Variants in CAMKMT observed in about 807,000 individuals in gnomAD.
CAMKMT encodes calmodulin-lysine N-methyltransferase.
CAMKMT carries 53 observed loss-of-function variants against 48.0 expected under a neutral mutation model. The observed-to-expected ratio is 1.10, with a 90% CI of 0.89 to 1.39. The LOEUF (loss-of-function observed/expected upper bound fraction) is 1.39, where lower values mean the gene tolerates loss of function less well. Ranked by LOEUF, CAMKMT falls within the 40% of genes most tolerant of loss-of-function variation. CAMKMT has a pLI of 0.00. For missense variants in CAMKMT, 428 were observed against 402.7 expected, an observed-to-expected ratio of 1.06 and a Z score of -0.54; for synonymous variants, 165 against 152.3, an observed-to-expected ratio of 1.08 and a Z score of -0.61.
Position 44,735,946 on chromosome 2 carries a change from C to T in CAMKMT, c.624-7676C>T, listed in dbSNP as rs1410570043. On this transcript the variant is annotated intron_variant, in intron 7 of 10. Transcript: ENST00000378494. ...CAAAACAAAACAAAACAAAACCTTACAGTAGTATACTGCCATTGGTCCCCT... is the reference window on the plus strand; with the variant it reads ...CAAAACAAAACAAAACAAAACCTTATAGTAGTATACTGCCATTGGTCCCCT... Among the ~76,000 whole-genome samples the T allele has an allele frequency of 7.2e-5, 11 of 152,128 alleles. 1 individual carries two copies. The South Asian group carries it at 2.3e-3, about 32-fold the overall frequency.
chr2:44,679,780 T>C (rs1457335700), intron 3 of CAMKMT, among the ~76,000 whole-genome samples: 1 of 152,200 alleles, frequency 6.6e-6, no homozygotes, highest in Non-Finnish European at 1.5e-5. Context: ...GCACAGTTGG[T>C]TCATGGCAGA....
chr2:44,480,766 A>G (rs887048876), intron 3 of CAMKMT, among the ~76,000 whole-genome samples: 1 of 135,232 alleles, frequency 7.4e-6, no homozygotes, highest in African/African-American at 2.5e-5. Flanking sequence ...TGTATCAATT[A>G]GGTACATTTG....
chr2:44,468,843 G>T (rs2104643798), intron 3 of CAMKMT, among the ~76,000 whole-genome samples: 1 of 152,280 alleles, frequency 6.6e-6, no homozygotes, highest in Middle Eastern at 3.4e-3. Context: ...TGCTTGAGCT[G>T]GGAGGTTGAG....
At chr2:44,655,603 C>G (rs1410896038) in intron 3 of CAMKMT, among the ~76,000 whole-genome samples, 1 of 152,146 alleles carries the variant, frequency 6.6e-6, no homozygotes, top group Non-Finnish European at 1.5e-5. Flanking sequence ...CTTGCATTAT[C>G]TATACGCAAA....
At chr2:44,443,767 A>G (rs1053601655) in intron 3 of CAMKMT, among the ~76,000 whole-genome samples, 1 of 152,192 alleles carries the variant, frequency 6.6e-6, no homozygotes, top group African/African-American at 2.4e-5. Context: ...ATGATACTGA[A>G]TTGTAACATG....
At chr2:44,544,642 G>T (rs17499606) in intron 3 of CAMKMT, among the ~76,000 whole-genome samples, 9,786 of 152,232 alleles carry the variant, frequency 0.064, 350 homozygotes, top group South Asian at 0.1. Flanking sequence ...GTCACTAAAG[G>T]TCTGCTAATA....
At chr2:44,511,739 C>T (rs374322436) in intron 3 of CAMKMT, among the ~76,000 whole-genome samples, 1 of 152,218 alleles carries the variant, frequency 6.6e-6, no homozygotes, top group East Asian at 1.9e-4. Context: ...CTCTTGCTCC[C>T]TCCAGCTGTT....
At chr2:44,538,373 C>CA (rs202189281) in intron 3 of CAMKMT, among the ~76,000 whole-genome samples, 63,194 of 129,626 alleles carry the variant, frequency 0.49, 15,391 homozygotes, top group Non-Finnish European at 0.59. Flanking sequence ...ATCTCAAAAA[C>CA]AAAAAAAAAA....
chr2:44,502,967 G>A (rs1670079363), intron 3 of CAMKMT, among the ~76,000 whole-genome samples: 1 of 152,012 alleles, frequency 6.6e-6, no homozygotes, highest in South Asian at 2.1e-4. Context: ...GATTTGTCCT[G>A]TGCTACATAT....
chr2:44,551,434 G>A (rs1156860888), intron 3 of CAMKMT, among the ~76,000 whole-genome samples: 1 of 152,118 alleles, frequency 6.6e-6, no homozygotes, highest in African/African-American at 2.4e-5. Flanking sequence ...TTACCACTGG[G>A]CCTTGAAACT....
intron 2 of CAMKMT, among the ~76,000 whole-genome samples, chr2:44,384,820 A>G (rs1400458438): frequency 6.6e-6 from 1 of 152,014 alleles, no homozygotes; most frequent in Non-Finnish European, 1.5e-5. Flanking sequence ...TGGTTTCTCT[A>G]TTCTGTTCCA....
At chr2:44,643,928 G>T (rs1673587081) in intron 3 of CAMKMT, among the ~76,000 whole-genome samples, 1 of 152,166 alleles carries the variant, frequency 6.6e-6, no homozygotes, top group African/African-American at 2.4e-5. Context: ...CTGTTGAGAT[G>T]GTGGTATTGA....
At chr2:44,432,749 T>C (rs1001031816) in intron 3 of CAMKMT, among the ~76,000 whole-genome samples, 4 of 152,088 alleles carry the variant, frequency 2.6e-5, no homozygotes, top group Non-Finnish European at 5.9e-5. Flanking sequence ...TCTTTCTTTG[T>C]AATAGATGAT....
intron 3 of CAMKMT, among the ~76,000 whole-genome samples, chr2:44,538,994 GT>G: frequency 6.9e-6 from 1 of 144,214 alleles, no homozygotes; most frequent in South Asian, 2.2e-4. Flanking sequence ...GTGTGTGTGT[GT>G]GTGTGTGTAT....
chr2:44,471,709 C>G (rs1668427994), intron 3 of CAMKMT, among the ~76,000 whole-genome samples: 1 of 152,144 alleles, frequency 6.6e-6, no homozygotes, highest in Admixed American at 6.5e-5. Context: ...TCACTCTTCT[C>G]TGATTCTTGA....
At chr2:44,580,670 G>C (rs773132944) in intron 3 of CAMKMT, among the ~76,000 whole-genome samples, 82 of 152,136 alleles carry the variant, frequency 5.4e-4, no homozygotes, top group Non-Finnish European at 1.0e-3. Context: ...TTGATATCTA[G>C]ACCACTGTAG....
At chr2:44,519,021 A>T (rs950417554) in intron 3 of CAMKMT, among the ~76,000 whole-genome samples, 1 of 152,230 alleles carries the variant, frequency 6.6e-6, no homozygotes, top group Non-Finnish European at 1.5e-5. Context: ...AGGTACCACT[A>T]CTTTACTAAC....
At chr2:44,686,025 T>G (rs999069027) in intron 3 of CAMKMT, among the ~76,000 whole-genome samples, 1 of 152,126 alleles carries the variant, frequency 6.6e-6, no homozygotes, top group Non-Finnish European at 1.5e-5. Flanking sequence ...GATAGTATTG[T>G]CCTTTAAGTT....
intron 3 of CAMKMT, among the ~76,000 whole-genome samples, chr2:44,670,873 A>G (rs1675288885): frequency 6.6e-6 from 1 of 151,992 alleles, no homozygotes; most frequent in African/African-American, 2.4e-5. Context: ...TCCTCTCTCC[A>G]TGGTTCCTTA....
Sources: allele counts gnomAD v4.1 joint callset (sites outside exome capture counted in the v4.1 genomes callset), GRCh38; gene constraint gnomAD v4.1.1; transcripts MANE v1.5; gene names NCBI Gene and HGNC (gene_info 2026-07-23, HGNC 2026-07-21).